LRP1B: variants seen among roughly 807,000 people sequenced by gnomAD.
The protein encoded by LRP1B is low-density lipoprotein receptor-related protein 1B.
Under a neutral mutation model 556.6 loss-of-function variants are expected in LRP1B, and 217 were observed. The observed-to-expected ratio is 0.39, with a 90% CI of 0.35 to 0.44. The LOEUF is 0.44. LRP1B is among the 20% of genes least tolerant of loss of function. The pLI, the probability that LRP1B is intolerant of heterozygous loss-of-function variation, is 1.00. For synonymous variants in LRP1B, 2,047 were observed against 1,865.8 expected, an observed-to-expected ratio of 1.10 and a Z score of -2.50; for missense variants, 5,053 against 5,620.8, an observed-to-expected ratio of 0.90 and a Z score of 3.23.
At chr2:141,036,155 T>C (rs1397850770) in intron 11 of LRP1B, among the ~76,000 whole-genome samples, 2 of 151,974 alleles carry the variant, frequency 1.3e-5, no homozygotes, top group Non-Finnish European at 2.9e-5. Context: ...GTGACAGACC[T>C]TTTCCAGGAG....
intron 1 of LRP1B, among the ~76,000 whole-genome samples, chr2:142,115,725 TATAA>T (rs1707225757): frequency 2.5e-5 from 1 of 39,866 alleles, no homozygotes; most frequent in Non-Finnish European, 4.5e-5. Flanking sequence ...GTAATATATA[TATAA>T]TATATATGTA....
chr2:140,669,670 AT>A (rs1035915859), intron 41 of LRP1B, among the ~76,000 whole-genome samples: 1 of 152,034 alleles, frequency 6.6e-6, no homozygotes, highest in Non-Finnish European at 1.5e-5. Flanking sequence ...TACAGAAGAA[AT>A]TGTTTTTTCC....
At chr2:141,467,610 C>A (rs1226821396) in intron 3 of LRP1B, among the ~76,000 whole-genome samples, 1 of 152,046 alleles carries the variant, frequency 6.6e-6, no homozygotes, top group Non-Finnish European at 1.5e-5. Context: ...GCCCTATTAT[C>A]CAACAAGTCT....
chr2:140,351,845 C>T (rs1401941243), intron 76 of LRP1B, among the ~76,000 whole-genome samples: 1 of 152,070 alleles, frequency 6.6e-6, no homozygotes, highest in East Asian at 1.9e-4. Flanking sequence ...GTGTCAGACG[C>T]TATGTTAAGC....
intron 6 of LRP1B, among the ~76,000 whole-genome samples, chr2:141,224,528 C>A (rs376768637): frequency 6.6e-6 from 1 of 152,126 alleles, no homozygotes; most frequent in African/African-American, 2.4e-5. Flanking sequence ...AAGATAGATG[C>A]ACGTGTATGT....
chr2:141,213,315 T>G (rs925285588), intron 6 of LRP1B, among the ~76,000 whole-genome samples: 2 of 152,006 alleles, frequency 1.3e-5, no homozygotes, highest in South Asian at 4.1e-4. Flanking sequence ...TAAAGATTAA[T>G]AAAAACAAGT....
chr2:141,784,692 A>C (rs1695371972), intron 2 of LRP1B, among the ~76,000 whole-genome samples: 1 of 151,906 alleles, frequency 6.6e-6, no homozygotes, highest in Non-Finnish European at 1.5e-5. Flanking sequence ...TCCTCAACTT[A>C]AGTAATGAAG....
At position 140,343,066 on chromosome 2, in the gene LRP1B, G is replaced by A. The variant is rs1053887174; in HGVS notation, c.11893-7228C>T. Among the ~76,000 whole-genome samples, 7 of 151,312 alleles carry A rather than the reference G, an allele frequency of 4.6e-5. 1 individual carries two copies. The highest frequency in any genetic ancestry group is 1.7e-4 in the African/African-American group (7 of 41,300). On this transcript the variant is annotated intron_variant, in intron 77 of 90. Coordinates refer to ENST00000389484, the MANE Select transcript of LRP1B (RefSeq NM_018557.3). ...TCAGTATTTACAGTATATAAATAGT[G>A]CATAATAAGATCTTATGGAAAATGA... is the stretch of plus-strand genomic sequence containing the variant.
chr2:142,006,555 A>G (rs1210431958), intron 1 of LRP1B, among the ~76,000 whole-genome samples: 5 of 152,226 alleles, frequency 3.3e-5, no homozygotes, highest in Non-Finnish European at 5.9e-5. Context: ...CTCCGTTAAC[A>G]CATTCACAAC....
intron 45 of LRP1B, among the ~76,000 whole-genome samples, chr2:140,540,101 G>A (rs761812413): frequency 7.9e-5 from 12 of 152,018 alleles, no homozygotes; most frequent in Non-Finnish European, 1.8e-4. Context: ...AAAATCGACT[G>A]AAGATGAAGA....
chr2:141,417,758 ATTTTT>A (rs56660575), intron 3 of LRP1B, among the ~76,000 whole-genome samples: 1 of 136,368 alleles, frequency 7.3e-6, no homozygotes, highest in African/African-American at 2.6e-5. Flanking sequence ...TGGTAGTTCT[ATTTTT>A]TTTTTTTTTT....
At chr2:140,834,558 C>T (rs943086848) in intron 31 of LRP1B, among the ~76,000 whole-genome samples, 11 of 152,124 alleles carry the variant, frequency 7.2e-5, no homozygotes, top group South Asian at 2.1e-4. Context: ...ATTACAATTT[C>T]GGCTTTGCTC....
intron 83 of LRP1B, among the ~76,000 whole-genome samples, chr2:140,304,875 G>A (rs1166835223): frequency 6.6e-6 from 1 of 152,086 alleles, no homozygotes; most frequent in Non-Finnish European, 1.5e-5. Context: ...TCAACATATG[G>A]CTAGTCAGTT....
At chr2:140,672,579 CT>C (rs1479921154) in intron 41 of LRP1B, among the ~76,000 whole-genome samples, 3 of 150,664 alleles carry the variant, frequency 2.0e-5, no homozygotes, top group Non-Finnish European at 4.4e-5. Flanking sequence ...GGGAAAAATT[CT>C]CTGTGGCTCA....
At chr2:141,907,557 C>T (rs1699792956) in intron 1 of LRP1B, among the ~76,000 whole-genome samples, 1 of 151,800 alleles carries the variant, frequency 6.6e-6, no homozygotes. Context: ...TTAAGAGCAA[C>T]ACTTTGAAAC....
At position 140,460,445 on chromosome 2, in the gene LRP1B, T is replaced by A. The variant is rs77423750; in HGVS notation, c.9626-2794A>T. Among the ~76,000 whole-genome samples the A allele has an allele frequency of 1.6e-3, 240 of 152,300 alleles. 1 individual carries two copies. Among genetic ancestry groups the A allele is most frequent in the African/African-American group, 5.3e-3 (222 of 41,562 alleles). On this transcript the variant is annotated intron_variant, in intron 60 of 90. Transcript: ENST00000389484. The stretch of plus-strand genomic sequence containing the variant: ...ATTTAACAAACAAACCCTTAATTAA[T>A]GCTGAGATGTCGTTAAATTTAGGGG...
intron 43 of LRP1B, among the ~76,000 whole-genome samples, chr2:140,584,837 T>G (rs1473061188): frequency 6.6e-6 from 1 of 152,092 alleles, no homozygotes; most frequent in Admixed American, 6.5e-5. Context: ...TTACCCTGGA[T>G]AGCTGAGGCC....
intron 2 of LRP1B, among the ~76,000 whole-genome samples, chr2:141,625,908 A>G (rs1197044868): frequency 6.6e-6 from 1 of 152,138 alleles, no homozygotes; most frequent in East Asian, 1.9e-4. Context: ...CTATATTTAG[A>G]TTGCATATTT....
chr2:141,533,260 A>G (rs1375367845), intron 2 of LRP1B, among the ~76,000 whole-genome samples: 1 of 152,244 alleles, frequency 6.6e-6, no homozygotes, highest in Non-Finnish European at 1.5e-5. Flanking sequence ...GAAGGTGTTG[A>G]TAATTCATTA....
Sources: gnomAD v4.1 joint callset for allele counts (sites outside exome capture counted in the v4.1 genomes callset) on GRCh38, gnomAD v4.1.1 for gene constraint, MANE v1.5 for transcripts, NCBI Gene and HGNC (gene_info 2026-07-23, HGNC 2026-07-21) for gene names.